Variants in UBXN2A observed in about 807,000 individuals in gnomAD.
UBXN2A encodes the protein UBX domain protein 2A.
Under a neutral mutation model 28.4 loss-of-function variants are expected in UBXN2A, and 28 were observed. The ratio of observed to expected loss-of-function variants is 0.99; its 90% CI spans 0.73 to 1.35. The LOEUF is 1.35. UBXN2A is among the 40% of genes most tolerant of loss of function. The pLI, the probability that UBXN2A is intolerant of heterozygous loss-of-function variation, is 0.00. For synonymous variants in UBXN2A, 97 were observed against 103.6 expected (o/e 0.94, Z 0.39); for missense variants, 253 against 297.9 (o/e 0.85, Z 1.11).
chr2:23,963,470 T>A (rs1209097023), intron 2 of UBXN2A, among the ~76,000 whole-genome samples: 5 of 116,106 alleles, frequency 4.3e-5, no homozygotes, highest in African/African-American at 1.4e-4. Context: ...AGACAGTGTC[T>A]CAAAAAAAAA....
At chr2:23,954,170 C>T (rs1193063617) in intron 1 of UBXN2A, among the ~76,000 whole-genome samples, 1 of 152,078 alleles carries the variant, frequency 6.6e-6, no homozygotes, top group African/African-American at 2.4e-5. Flanking sequence ...AGTAACTGGT[C>T]CTTCCCCATT....
chr2:23,949,473 G>A (rs549286171), intron 1 of UBXN2A, among the ~76,000 whole-genome samples: 1 of 151,974 alleles, frequency 6.6e-6, no homozygotes, highest in South Asian at 2.1e-4. Flanking sequence ...TCGGGAGGCT[G>A]AGGCAGCAGA....
chr2:23,991,801 TTG>T (rs1192793295), intron 6 of UBXN2A, among the ~76,000 whole-genome samples: 68 of 151,606 alleles, frequency 4.5e-4, no homozygotes, highest in African/African-American at 1.5e-3. Context: ...TTGTTTTGTT[TTG>T]TTTTTTTGAG....
intron 1 of UBXN2A, among the ~76,000 whole-genome samples, chr2:23,946,597 G>A (rs1205067017): frequency 5.9e-5 from 9 of 151,536 alleles, no homozygotes; most frequent in East Asian, 3.9e-4. Flanking sequence ...CTGAGATTAC[G>A]GGCATGAGCC....
chr2:23,971,786 T>G (rs775575206), intron 3 of UBXN2A, among the ~76,000 whole-genome samples: 10 of 152,030 alleles, frequency 6.6e-5, no homozygotes, highest in Non-Finnish European at 1.2e-4. Context: ...CCAAAACTGT[T>G]TTCATAATAG....
intron 6 of UBXN2A, among the ~76,000 whole-genome samples, chr2:23,987,530 G>A (rs1440484491): frequency 1.3e-5 from 2 of 152,116 alleles, no homozygotes; most frequent in Admixed American, 1.3e-4. Flanking sequence ...TGTAATCCCA[G>A]CACTTTGGGA....
chr2:23,956,669 T>C (rs1706643943), intron 1 of UBXN2A, among the ~76,000 whole-genome samples: 2 of 152,218 alleles, frequency 1.3e-5, no homozygotes, highest in Non-Finnish European at 2.9e-5. Context: ...TTATCATTCT[T>C]TGGGTACCTT....
At position 24,004,575 on chromosome 2, in the gene UBXN2A, G is replaced by GC. The variant is rs1348909836; in HGVS notation, c.*4712dup. ...AGGCTGAGGCAGGAGAATCACCTGA[G>GC]CCCCGGAGGCAGAGGTTGCAGTGAG... is the stretch of plus-strand genomic sequence containing the variant. On this transcript the variant is annotated 3_prime_UTR_variant, in exon 7 of 7. Transcript: ENST00000309033. 6.6e-6 allele frequency: 1 copy of GC among 152,210 alleles called. No individual in the cohort carries two copies. The highest frequency in any genetic ancestry group is 2.4e-5 in the African/African-American group (1 of 41,436). 9.4% of individuals were successfully genotyped at this position (152,210 alleles called of 1,614,324 possible).
chr2:23,963,897 G>A (rs781008106), intron 2 of UBXN2A, among the ~76,000 whole-genome samples: 37 of 152,150 alleles, frequency 2.4e-4, no homozygotes, highest in Non-Finnish European at 5.3e-4. Flanking sequence ...GGGAACCCAA[G>A]GCAGGAGGAT....
At chr2:23,937,079 C>G (rs997110940), upstream of UBXN2A, among the ~76,000 whole-genome samples, 4 of 151,998 alleles carry the variant, frequency 2.6e-5, no homozygotes, top group African/African-American at 4.8e-5. Flanking sequence ...AGGTTGGTCT[C>G]AAATTCCTGG....
chr2:23,930,407 G>C (rs1258197508), intron 1 of UBXN2A, among the ~76,000 whole-genome samples: 4 of 152,144 alleles, frequency 2.6e-5, no homozygotes, highest in Non-Finnish European at 5.9e-5. Context: ...GAATGAATAA[G>C]ATAGGGAAGA....
rs1210108602 is a variant in UBXN2A, at chr2:24,001,788, T to A, written c.*1921T>A. 1.3e-5 allele frequency: 2 copies of A among 151,572 alleles called. No homozygotes were observed. Among genetic ancestry groups the A allele is most frequent in the Non-Finnish European group, 2.9e-5 (2 of 67,948 alleles). The allele number at this position is 151,572 out of a possible 1,614,324, so 9.4% of individuals were successfully genotyped here. On this transcript the variant is annotated 3_prime_UTR_variant, in exon 7 of 7. Transcript: ENST00000309033. The stretch of plus-strand genomic sequence containing the variant: ...TCCTGTCCAACATGGTGAATCCCCG[T>A]CTCTACTAAAAATACAAAAAAAATT...
In UBXN2A at chr2:23,995,885, C is replaced by T. The variant is rs529953215; in HGVS notation, c.585-3787C>T. On this transcript the variant is annotated intron_variant, in intron 6 of 6. Coordinates refer to ENST00000309033, the MANE Select transcript of UBXN2A (RefSeq NM_181713.4). ...GATCAAAACAAAATCCTCTTATTGT[C>T]TTTTTATTTTTTATTTATTTGTTTT... Among the ~76,000 whole-genome samples the T allele has an allele frequency of 2.8e-4, 42 of 151,930 alleles. No individual in the cohort carries two copies. In the South Asian group the frequency reaches 8.5e-3, roughly 31 times the overall value.
At chr2:23,981,476 T>TAAAAAAAAAAAAAA (rs55665209) in intron 4 of UBXN2A, among the ~76,000 whole-genome samples, 1 of 28,922 alleles carries the variant, frequency 3.5e-5, no homozygotes, top group Non-Finnish European at 5.6e-5. Flanking sequence ...AGCTCCTATC[T>TAAAAAAAAAAAAAA]AAAAAAAAAA....
At chr2:23,956,735 C>T (rs971574873) in intron 1 of UBXN2A, among the ~76,000 whole-genome samples, 1 of 152,158 alleles carries the variant, frequency 6.6e-6, no homozygotes, top group African/African-American at 2.4e-5. Flanking sequence ...TGAAGTTATC[C>T]TTTTCTTGAA....
chr2:23,942,456 C>T (rs1705814553), intron 1 of UBXN2A, among the ~76,000 whole-genome samples: 1 of 135,422 alleles, frequency 7.4e-6, no homozygotes, highest in Admixed American at 8.4e-5. Context: ...CAGAGTCTCG[C>T]TCTGTCACCC....
In UBXN2A at chr2:23,941,203, G is replaced by C. The variant is rs147065981; in HGVS notation, c.-15+555G>C. 1.9e-3 allele frequency among the ~76,000 whole-genome samples: 295 copies of C among 152,162 alleles called. 1 individual carries two copies. The highest frequency in any genetic ancestry group is 6.6e-3 in the African/African-American group (273 of 41,514). On this transcript the variant is annotated intron_variant, in intron 1 of 6. Transcript: ENST00000309033. ...GTCAGCAATGATGAATGTTCGTGTG[G>C]CATCCAGCGTTGAGTTCCTATGTAC...
At chr2:23,955,122 G>A (rs966542780) in intron 1 of UBXN2A, among the ~76,000 whole-genome samples, 1 of 151,842 alleles carries the variant, frequency 6.6e-6, no homozygotes, top group Non-Finnish European at 1.5e-5. Flanking sequence ...TAGTAGAGAC[G>A]GGGTTTCACC....
chr2:23,997,974 G>T (rs373771927), intron 6 of UBXN2A, among the ~76,000 whole-genome samples: 1 of 151,826 alleles, frequency 6.6e-6, no homozygotes, highest in African/African-American at 2.4e-5. Context: ...ACCACACCCA[G>T]ATAATTTTTG....
Sources: allele counts gnomAD v4.1 joint callset (sites outside exome capture counted in the v4.1 genomes callset), GRCh38; gene constraint gnomAD v4.1.1; transcripts MANE v1.5; gene names NCBI Gene and HGNC (gene_info 2026-07-23, HGNC 2026-07-21).